The following RBBP6 variants were observed in gnomAD, a reference collection of about 807,000 sequenced individuals.
RBBP6 encodes E3 ubiquitin-protein ligase RBBP6.
In RBBP6, 25 loss-of-function variants were observed where a neutral mutation model predicts 167.7. That is an observed-to-expected ratio of 0.15 (90% CI 0.11 to 0.21). The LOEUF is 0.21. Ranked by LOEUF, RBBP6 falls within the 10% of genes least tolerant of loss-of-function variation. The probability of loss-of-function intolerance (pLI) is 1.00; values close to 1 mark genes in which losing one functional copy is unlikely to be tolerated. For synonymous variants in RBBP6, 789 were observed against 735.8 expected (o/e 1.07, Z -1.17); for missense variants, 1,868 against 2,134.2 (o/e 0.88, Z 2.46).
intron 14 of RBBP6, among the ~76,000 whole-genome samples, chr16:24,566,302 T>G (rs1899193315): frequency 6.6e-6 from 1 of 152,360 alleles, no homozygotes; most frequent in East Asian, 1.9e-4. Flanking sequence ...AATTAGAAAC[T>G]TAGCCAACAC....
intron 4 of RBBP6, chr16:24,554,298 T>G (rs1228441026): frequency 7.1e-6 from 1 of 141,232 alleles, no homozygotes; most frequent in Non-Finnish European, 1.6e-5. Context: ...TTGCAAATTG[T>G]GCCTTTAAAA....
chr16:24,568,600 G>A (rs1182196781), intron 16 of RBBP6, 145 bp from the exon 17 acceptor site: 1 of 1,196,402 alleles, frequency 8.4e-7, no homozygotes, highest in Non-Finnish European at 1.1e-6. Flanking sequence ...TCCAGTAGAG[G>A]TCACTGTGCC....
chr16:24,563,370 C>CTTTTT, intron 11 of RBBP6, 53 bp from the exon 12 acceptor site: 2 of 1,308,060 alleles, frequency 1.5e-6, no homozygotes, highest in South Asian at 1.5e-5. Flanking sequence ...GTTCTTACCT[C>CTTTTT]TTTTTTTTTT....
intron 7 of RBBP6, among the ~76,000 whole-genome samples, chr16:24,557,159 C>T (rs1278884315): frequency 4.6e-5 from 7 of 151,918 alleles, no homozygotes; most frequent in South Asian, 2.1e-4. Context: ...CCACCACGCC[C>T]GGCTAATTTT....
chr16:24,551,361 A>G (rs1354265788), intron 3 of RBBP6, among the ~76,000 whole-genome samples: 1 of 151,772 alleles, frequency 6.6e-6, no homozygotes, highest in Admixed American at 6.6e-5. Flanking sequence ...TTAGTAATAC[A>G]AATTCCTAAT....
Position 24,571,113 on chromosome 16 carries a change from A to T in RBBP6, c.4047A>T (p.Ile1349=). ...GTGTAGGAAAACCTGCTAGTGTTAT[A>T]AAAAATGTTAGTACAAAGCCATCAA... is the stretch of plus-strand genomic sequence containing the variant. ...ISSVGKPASV[I]KNVSTKPSNI... Residue 1349 remains isoleucine (I), a synonymous_variant, in exon 18 of 18, where the codon ATA becomes ATT. Transcript: ENST00000319715. 6.2e-7 allele frequency: 1 copy of T among 1,612,828 alleles called. No homozygotes were observed. Among genetic ancestry groups the T allele is most frequent in the Non-Finnish European group, 8.5e-7 (1 of 1,179,264 alleles).
intron 13 of RBBP6, 140 bp from the exon 14 acceptor site, chr16:24,564,656 TC>T (rs1429265086): frequency 1.1e-4 from 124 of 1,120,006 alleles, no homozygotes; most frequent in Non-Finnish European, 7.2e-6. Context: ...CAGCTCTGTA[TC>T]CGAAACAAAT....
chr16:24,559,379 T>A (rs971475232), intron 7 of RBBP6, 126 bp from the exon 8 acceptor site: 1 of 626,918 alleles, frequency 1.6e-6, no homozygotes, highest in African/African-American at 1.9e-5. Flanking sequence ...TTAGAAGATA[T>A]GGTGCTTGTC....
chr16:24,555,950 A>C, intron 6 of RBBP6, 33 bp downstream of exon 6: 1 of 1,506,072 alleles, frequency 6.6e-7, no homozygotes, highest in Non-Finnish European at 9.2e-7. Context: ...GGTATATCTT[A>C]CTTTTTTTCC....
intron 16 of RBBP6, 86 bp from the exon 17 acceptor site, chr16:24,568,659 G>A (rs1291340472): frequency 4.1e-6 from 6 of 1,473,622 alleles, no homozygotes; most frequent in Non-Finnish European, 5.4e-6. Flanking sequence ...ATGAAACCGT[G>A]AGGAAAGAAT....
rs997576413 is a variant in RBBP6 at position 24,563,576 on chromosome 16, G to GT, written c.1466-33dup. 7 of 1,611,274 alleles carry GT rather than the reference G, an allele frequency of 4.3e-6. No individual in the cohort carries two copies. In the African/African-American group the frequency reaches 9.4e-5, roughly 22 times the overall value. On this transcript the variant is annotated intron_variant, in intron 12 of 17. Coordinates refer to ENST00000319715, the MANE Select transcript of RBBP6 (RefSeq NM_006910.5). ...TTAGCTTGATTTAATGTGCAATTTT[G>GT]TATTTACCTACTGCTTTTATTTTTT...
Position 24,563,060 on chromosome 16 carries a change from C to CA in RBBP6, c.1290-138dup, listed in dbSNP as rs540906017. 47 of 602,406 alleles carry CA rather than the reference C, an allele frequency of 7.8e-5. No homozygotes were observed. The East Asian group carries it at 8.9e-4, about 11-fold the overall frequency. 37.3% of individuals were successfully genotyped at this position (602,406 alleles called of 1,614,324 possible). On this transcript the variant is annotated intron_variant, in intron 10 of 17. Coordinates refer to ENST00000319715, the MANE Select transcript of RBBP6 (RefSeq NM_006910.5). ...ACTCTTCAAAGTTTCAGCCTTCTCT[C>CA]ACTTTCCTCAGAAGTATTCATCATC...
chr16:24,542,589 G>T (rs7186649), intron 1 of RBBP6, among the ~76,000 whole-genome samples: 2,881 of 152,112 alleles, frequency 0.019, 90 homozygotes, highest in African/African-American at 0.066. Context: ...CTCCCAAGTA[G>T]CTGGGACTAC....
chr16:24,562,685 T>TAA (rs373263162), intron 10 of RBBP6, among the ~76,000 whole-genome samples: 242 of 135,900 alleles, frequency 1.8e-3, no homozygotes, highest in African/African-American at 5.5e-3. Context: ...ATAAATTCTT[T>TAA]AAAAAAAAAA....
chr16:24,546,555 G>T (rs1474259796), intron 2 of RBBP6, among the ~76,000 whole-genome samples: 1 of 152,118 alleles, frequency 6.6e-6, no homozygotes, highest in African/African-American at 2.4e-5. Context: ...GCCTTTCTTT[G>T]ACTACTTTTT....
intron 10 of RBBP6, among the ~76,000 whole-genome samples, chr16:24,562,977 T>C (rs1359748595): frequency 2.0e-5 from 3 of 150,682 alleles, no homozygotes; most frequent in African/African-American, 7.3e-5. Context: ...CTGTCATAAC[T>C]GTAGTATCTT....
rs191159591 is a variant in RBBP6, at chr16:24,571,771, C to T, written c.4705C>T (p.Arg1569Cys). ...TGTAGATAAAAATCCTTGTAAGGAT[C>T]GTGAGAAGCATGTATTAGAAGCAAG... is the stretch of plus-strand genomic sequence containing the variant. ...KSVDKNPCKD[R>C]EKHVLEARNN... Residue 1569 changes from arginine (R) to cysteine (C), a missense_variant, in exon 18 of 18, where the codon CGT (arginine) becomes TGT (cysteine). Coordinates refer to ENST00000319715, the MANE Select transcript of RBBP6 (RefSeq NM_006910.5). 229 of 1,613,838 alleles carry T rather than the reference C, an allele frequency of 1.4e-4. No individual in the cohort carries two copies. The highest frequency in any genetic ancestry group is 1.8e-4 in the Non-Finnish European group (215 of 1,179,826).
At chr16:24,556,807 A>C (rs953953330) in intron 7 of RBBP6, among the ~76,000 whole-genome samples, 1 of 152,168 alleles carries the variant, frequency 6.6e-6, no homozygotes, top group African/African-American at 2.4e-5. Context: ...TCATTTTGAG[A>C]AACAGGAGGC....
At chr16:24,568,673 A>G (rs1899250349) in intron 16 of RBBP6, 72 bp from the exon 17 acceptor site, 1 of 1,501,856 alleles carries the variant, frequency 6.7e-7, no homozygotes, top group Non-Finnish European at 8.9e-7. Flanking sequence ...AAAGAATGCT[A>G]GAATCTGAGA....
Sources: allele counts gnomAD v4.1 joint callset (sites outside exome capture counted in the v4.1 genomes callset), GRCh38; gene constraint gnomAD v4.1.1; transcripts MANE v1.5; gene names NCBI Gene and HGNC (gene_info 2026-07-23, HGNC 2026-07-21).